The following TBPL2 variants were observed in gnomAD, a reference collection of about 807,000 sequenced individuals.
TBPL2 encodes TATA box-binding protein-like 2.
In TBPL2, 40 loss-of-function variants were observed where a neutral mutation model predicts 38.2. The observed-to-expected ratio is 1.05, with a 90% confidence interval of 0.81 to 1.36. The LOEUF (loss-of-function observed/expected upper bound fraction) is 1.36. Ranked by LOEUF, TBPL2 falls within the 40% of genes most tolerant of loss-of-function variation. TBPL2 has a pLI of 0.00. For synonymous variants in TBPL2, 169 were observed against 171.7 expected (o/e 0.98, Z 0.12); for missense variants, 461 against 456.7 (o/e 1.01, Z -0.09).
rs112682902 is a variant in TBPL2 at position 55,433,774 on chromosome 14, C to T, written c.697-53G>A. On this transcript the variant is annotated intron_variant, in intron 3 of 6. Transcript: ENST00000247219. ...GCCTCTGCTAGGAGTTAACATTATC[C>T]CAGTTGAAAAAGCCGAGCTGAATAT... 393 of 1,527,798 alleles carry T rather than the reference C, an allele frequency of 2.6e-4. 2 individuals are homozygous for T. In the African/African-American group the frequency reaches 4.5e-3, roughly 18 times the overall value. 94.6% of individuals were successfully genotyped at this position (1,527,798 alleles called of 1,614,324 possible). A position where few individuals can be genotyped will look rare whatever the true frequency, so the allele number is the denominator to read the frequency against.
At position 55,429,574 on chromosome 14, in the gene TBPL2, G is replaced by A. The variant is rs8007399; in HGVS notation, c.789-600C>T. Among the ~76,000 whole-genome samples, 1,014 of 152,174 alleles carry A rather than the reference G, an allele frequency of 6.7e-3. 14 individuals are homozygous for A. Among genetic ancestry groups the A allele is most frequent in the African/African-American group, 0.023 (965 of 41,524 alleles). On this transcript the variant is annotated intron_variant, in intron 4 of 6. Coordinates refer to ENST00000247219, the Ensembl canonical transcript of TBPL2. ...AGGACAGTAGCTCGAGACCGGCCTG[G>A]CCAACATGATGAAACGCTGTCTCTA...
chr14:55,437,145 G>A, intron 1 of TBPL2, 127 bp from the exon 2 acceptor site: 1 of 787,034 alleles, frequency 1.3e-6, no homozygotes, highest in Non-Finnish European at 2.1e-6. Flanking sequence ...AAGATTGCTT[G>A]TATTCATGCA....
chr14:55,427,228 T>C (rs530251902), intron 5 of TBPL2, among the ~76,000 whole-genome samples: 9 of 150,078 alleles, frequency 6.0e-5, no homozygotes, highest in Admixed American at 4.0e-4. Context: ...GAGGACTTTA[T>C]AGGGAGCTCA....
At chr14:55,438,096 G>A (rs888068316) in intron 1 of TBPL2, among the ~76,000 whole-genome samples, 1 of 152,102 alleles carries the variant, frequency 6.6e-6, no homozygotes, top group African/African-American at 2.4e-5. Flanking sequence ...TCAAGTTACG[G>A]GCCTGGACTC....
chr14:55,424,535 G>C (rs1158516382), intron 5 of TBPL2, among the ~76,000 whole-genome samples: 2 of 152,150 alleles, frequency 1.3e-5, no homozygotes, highest in Non-Finnish European at 2.9e-5. Context: ...TTAGTGTATT[G>C]AGAGCTTGTT....
chr14:55,433,740 A>G lies in TBPL2; in HGVS notation c.697-19T>C. ...CAAACCTCTATACCCAGAAACCAAA[A>G]GAGAATTAGCCTCTGCTAGGAGTTA... On this transcript the variant is annotated intron_variant, in intron 3 of 6. Transcript: ENST00000247219. 1 of 1,611,030 alleles carries G rather than the reference A, an allele frequency of 6.2e-7. No homozygotes were observed. The highest frequency in any genetic ancestry group is 1.7e-4 in the Middle Eastern group (1 of 6,042).
chr14:55,435,787 A>G (rs532315912), intron 3 of TBPL2, 60 bp downstream of exon 3: 14 of 1,245,990 alleles, frequency 1.1e-5, no homozygotes, highest in Non-Finnish European at 1.5e-5. Context: ...TCATGATCAT[A>G]TTAAGAAAAG....
At chr14:55,438,408 T>A (rs1300373459) in intron 1 of TBPL2, among the ~76,000 whole-genome samples, 1 of 152,198 alleles carries the variant, frequency 6.6e-6, no homozygotes, top group East Asian at 1.9e-4. Flanking sequence ...TTCCCCACCC[T>A]CAACCCACAG....
chr14:55,432,246 A>T (rs1279049384), intron 4 of TBPL2, among the ~76,000 whole-genome samples: 2 of 13,224 alleles, frequency 1.5e-4, no homozygotes, highest in African/African-American at 7.4e-4. Flanking sequence ...CCGTCTCTAC[A>T]AAAAAAAAAA....
chr14:55,416,446 A>G (rs1055892330), intron 6 of TBPL2, among the ~76,000 whole-genome samples: 3 of 152,196 alleles, frequency 2.0e-5, no homozygotes, highest in African/African-American at 7.2e-5. Context: ...AAGGAAAAAA[A>G]TAAAAAGAGA....
At chr14:55,419,479 A>G (rs1040850955) in intron 6 of TBPL2, among the ~76,000 whole-genome samples, 6 of 152,218 alleles carry the variant, frequency 3.9e-5, no homozygotes, top group Non-Finnish European at 7.3e-5. Context: ...CTGTGGTTTA[A>G]GAAAAAAACA....
chr14:55,434,178 C>T (rs1369425117), intron 3 of TBPL2, among the ~76,000 whole-genome samples: 1 of 152,166 alleles, frequency 6.6e-6, no homozygotes. Flanking sequence ...CTCACCAAGA[C>T]TTCAGAATGT....
At chr14:55,427,223 C>A (rs922240924) in intron 5 of TBPL2, among the ~76,000 whole-genome samples, 1 of 151,104 alleles carries the variant, frequency 6.6e-6, no homozygotes. Flanking sequence ...AATGGGAGGA[C>A]TTTATAGGGA....
At chr14:55,422,252 G>A (rs1187383358) in intron 6 of TBPL2, among the ~76,000 whole-genome samples, 1 of 152,120 alleles carries the variant, frequency 6.6e-6, no homozygotes, top group Non-Finnish European at 1.5e-5. Flanking sequence ...ACATAAACTT[G>A]GCATTCATTA....
At chr14:55,420,133 CG>C (rs1885720986) in intron 6 of TBPL2, among the ~76,000 whole-genome samples, 2 of 152,182 alleles carry the variant, frequency 1.3e-5, no homozygotes, top group South Asian at 4.1e-4. Flanking sequence ...TGCAGTGGCA[CG>C]ATCTCGGCTC....
At chr14:55,433,126 A>G (rs927918811) in intron 4 of TBPL2, among the ~76,000 whole-genome samples, 6 of 151,870 alleles carry the variant, frequency 4.0e-5, no homozygotes, top group African/African-American at 1.2e-4. Context: ...ATATGTCAGT[A>G]TTTTATTATT....
chr14:55,435,930 T>C (rs1430905397), exon 3 of TBPL2: 4 of 1,568,072 alleles, frequency 2.6e-6, no homozygotes, highest in Non-Finnish European at 3.4e-6. Context: ...GTGGAAACTA[T>C]ATTCCTGAAG....
At chr14:55,439,646 A>C (rs1363015945) in intron 1 of TBPL2, among the ~76,000 whole-genome samples, 6 of 136,172 alleles carry the variant, frequency 4.4e-5, no homozygotes, top group Middle Eastern at 4.0e-3. Flanking sequence ...AAATACAAAA[A>C]TTAGCCGGGC....
chr14:55,438,922 AAAG>A, intron 1 of TBPL2: 1 of 149,286 alleles, frequency 6.7e-6, no homozygotes, highest in Non-Finnish European at 1.5e-5. Flanking sequence ...AAAAAAAAAA[AAAG>A]TAAGTTGCTC....
Sources: gnomAD v4.1 joint callset for allele counts (sites outside exome capture counted in the v4.1 genomes callset) on GRCh38, gnomAD v4.1.1 for gene constraint, MANE v1.5 for transcripts, NCBI Gene and HGNC (gene_info 2026-07-23, HGNC 2026-07-21) for gene names.